NFKB1: variants seen among roughly 807,000 people sequenced by gnomAD.
NFKB1 encodes nuclear factor NF-kappa-B p105 subunit.
NFKB1 carries 9 observed loss-of-function variants against 105.1 expected under a neutral mutation model. The ratio of observed to expected loss-of-function variants is 0.09; its 90% CI spans 0.05 to 0.15. NFKB1 has a LOEUF of 0.15. Ranked by LOEUF, NFKB1 falls within the 10% of genes least tolerant of loss-of-function variation. The pLI is 1.00. For missense variants in NFKB1, 830 were observed against 1,203.7 expected (o/e 0.69, Z 4.59); for synonymous variants, 440 against 442.2 (o/e 1.00, Z 0.06).
Position 102,576,982 on chromosome 4 carries a change from G to C in NFKB1, c.514G>C (p.Val172Leu), listed in dbSNP as rs1490382917. The change falls in exon 7 of 24, where the codon GTG becomes CTG. Residue 172 changes from valine (V) to leucine (L), a missense_variant. Physicochemically the swap from Val to Leu is conservative, Grantham distance 32. This residue lies in a region of NFKB1 where 80 missense variants were observed against 122.6 expected (regional missense o/e 0.65). Coordinates refer to ENST00000226574, the MANE Select transcript of NFKB1 (RefSeq NM_003998.4). ...AAGGGGCTATAATCCTGGACTCTTG[G>C]TGCACCCTGACCTTGCCTATTTGCA... ...CIRGYNPGLL[V>L]HPDLAYLQAE... The C allele has an allele frequency of 3.1e-6, 5 of 1,613,864 alleles. No individual in the cohort carries two copies.
At chr4:102,508,863 G>A (rs991948284) in intron 1 of NFKB1, among the ~76,000 whole-genome samples, 1 of 152,148 alleles carries the variant, frequency 6.6e-6, no homozygotes, top group African/African-American at 2.4e-5. Flanking sequence ...AATCTAGAAA[G>A]TGAATGAGAA....
rs79185170 is a variant in NFKB1 at position 102,561,169 on chromosome 4, G to C, written c.259-5818G>C. Among the ~76,000 whole-genome samples, 1,303 of 152,094 alleles carry C rather than the reference G, an allele frequency of 8.6e-3. 12 individuals carry two copies. Among genetic ancestry groups the C allele is most frequent in the African/African-American group, 0.03 (1,235 of 41,488 alleles). ...TCATTCTGTCCTTCCTGGTTGCCCT[G>C]GTTGCTCAACAAGTAATAAACAATA... On this transcript the variant is annotated intron_variant, in intron 5 of 23. Transcript: ENST00000226574.
Position 102,616,427 on chromosome 4 carries a change from C to T in NFKB1, c.2750-7C>T. 6.2e-7 allele frequency: 1 copy of T among 1,613,210 alleles called. No individual in the cohort carries two copies. Among genetic ancestry groups the T allele is most frequent in the Non-Finnish European group, 8.5e-7 (1 of 1,179,692 alleles). On this transcript the variant is annotated splice_polypyrimidine_tract_variant and splice_region_variant and intron_variant, in intron 23 of 23. Coordinates refer to ENST00000226574, the MANE Select transcript of NFKB1 (RefSeq NM_003998.4). ...TCCCCCAGTGAATTTGTGCTTTCTC[C>T]CCTCAGACGAGCTCCGAGACAGTGA...
intron 19 of NFKB1, among the ~76,000 whole-genome samples, chr4:102,609,611 CAAAAAA>C (rs34646774): frequency 1.5e-3 from 94 of 64,246 alleles, no homozygotes; most frequent in African/African-American, 5.5e-3. Context: ...GACTCCATCT[CAAAAAA>C]AAAAAAAAAA....
intron 5 of NFKB1, among the ~76,000 whole-genome samples, chr4:102,539,919 G>C (rs1338597389): frequency 6.6e-6 from 1 of 152,124 alleles, no homozygotes; most frequent in African/African-American, 2.4e-5. Flanking sequence ...GATAACTCTT[G>C]AAAACAAGGG....
chr4:102,528,313 T>C (rs1353817214), intron 2 of NFKB1, among the ~76,000 whole-genome samples: 2 of 152,200 alleles, frequency 1.3e-5, no homozygotes, highest in Non-Finnish European at 2.9e-5. Context: ...TTTTCATTCC[T>C]GTATTTCCTT....
chr4:102,550,057 A>G (rs868424366), intron 5 of NFKB1, among the ~76,000 whole-genome samples: 2 of 151,758 alleles, frequency 1.3e-5, no homozygotes, highest in African/African-American at 2.4e-5. Context: ...TTTTTAAAAG[A>G]GCTTTCTTCA....
At chr4:102,510,306 G>A (rs1196493724) in intron 1 of NFKB1, among the ~76,000 whole-genome samples, 2 of 152,178 alleles carry the variant, frequency 1.3e-5, no homozygotes, top group Non-Finnish European at 2.9e-5. Flanking sequence ...AGCACCTGGT[G>A]TGTTTGCTGA....
chr4:102,529,293 A>G (rs879518417), intron 2 of NFKB1, among the ~76,000 whole-genome samples: 1 of 151,760 alleles, frequency 6.6e-6, no homozygotes, highest in Admixed American at 6.6e-5. Context: ...TTAGTTGTCT[A>G]CTCCTTGTAC....
At chr4:102,534,431 C>T (rs1204758520) in intron 4 of NFKB1, among the ~76,000 whole-genome samples, 1 of 152,176 alleles carries the variant, frequency 6.6e-6, no homozygotes, top group East Asian at 1.9e-4. Context: ...TGGTGTCAGC[C>T]TCTTTGGAGT....
At chr4:102,569,599 A>G (rs1724154354) in intron 6 of NFKB1, among the ~76,000 whole-genome samples, 1 of 152,160 alleles carries the variant, frequency 6.6e-6, no homozygotes, top group African/African-American at 2.4e-5. Context: ...GGCAAAGAGT[A>G]TAGATTCACA....
chr4:102,510,795 G>A (rs1237971169), intron 1 of NFKB1: 1 of 266,678 alleles, frequency 3.7e-6, no homozygotes, highest in Non-Finnish European at 6.3e-6. Flanking sequence ...TTGATTCAAG[G>A]TCTCACTAAT....
chr4:102,596,186 G>A lies in NFKB1; in HGVS notation c.1349G>A (p.Ser450Asn). ...AAGGACCCTGAAGGTTGTGACAAAA[G>A]TGATGACAAAAACACTGTAAACCTC... is the stretch of plus-strand genomic sequence containing the variant. The part of the protein sequence containing the change: ...SKKDPEGCDK[S>N]DDKNTVNLFG... Residue 450 changes from serine to asparagine, a missense_variant, in exon 14 of 24, where the codon AGT becomes AAT. Ser to Asn is a conservative substitution (Grantham distance 46). Transcript: ENST00000226574. 1 of 1,612,598 alleles carries A rather than the reference G, an allele frequency of 6.2e-7. No individual in the cohort carries two copies. Among genetic ancestry groups the A allele is most frequent in the Non-Finnish European group, 8.5e-7 (1 of 1,178,918 alleles).
At position 102,613,601 on chromosome 4, in the gene NFKB1, A is replaced by T. The variant is rs918019834; in HGVS notation, c.2749+20A>T. ...AAATAGGTAAAAAAAAAGACAAAAG[A>T]CAGTGGAGATATTTTCCAGCTCCCC... On this transcript the variant is annotated intron_variant, in intron 23 of 23. Transcript: ENST00000226574. 2 of 1,607,472 alleles carry T rather than the reference A, an allele frequency of 1.2e-6. No individual in the cohort carries two copies. The highest frequency in any genetic ancestry group is 1.7e-6 in the Non-Finnish European group (2 of 1,176,546).
intron 19 of NFKB1, among the ~76,000 whole-genome samples, chr4:102,609,081 A>G (rs1728113783): frequency 6.7e-6 from 1 of 150,266 alleles, no homozygotes. Context: ...TGAGCCTGTG[A>G]GTTCAAGGGT....
intron 15 of NFKB1, 139 bp downstream of exon 15, chr4:102,597,800 T>C: frequency 9.5e-7 from 1 of 1,048,600 alleles, no homozygotes; most frequent in Non-Finnish European, 1.3e-6. Flanking sequence ...AAAAATAATG[T>C]GTGAATAAGG....
intron 5 of NFKB1, among the ~76,000 whole-genome samples, chr4:102,548,661 C>T (rs981732455): frequency 3.9e-5 from 6 of 152,138 alleles, no homozygotes; most frequent in South Asian, 2.1e-4. Flanking sequence ...TTCGCAGGGC[C>T]GTGCCCCCTT....
intron 3 of NFKB1, 25 bp from the exon 4 acceptor site, chr4:102,533,820 T>A (rs374385041): frequency 3.2e-5 from 52 of 1,604,962 alleles, no homozygotes; most frequent in Non-Finnish European, 4.3e-5. Flanking sequence ...TTCTTTTGGT[T>A]TCTGTTTGTT....
intron 11 of NFKB1, among the ~76,000 whole-genome samples, chr4:102,588,896 T>G (rs953332787): frequency 6.6e-6 from 1 of 152,214 alleles, no homozygotes; most frequent in Non-Finnish European, 1.5e-5. Flanking sequence ...TTGTAGTAAG[T>G]GGCTGCTTTG....
Sources: allele counts gnomAD v4.1 joint callset (sites outside exome capture counted in the v4.1 genomes callset), GRCh38; gene constraint gnomAD v4.1.1; regional missense constraint gnomAD v4.1.1; transcripts MANE v1.5; gene names NCBI Gene and HGNC (gene_info 2026-07-23, HGNC 2026-07-21).